SKAP1: variants seen among roughly 807,000 people sequenced by gnomAD.
The protein encoded by SKAP1 is src kinase associated phosphoprotein 1, also known as src kinase-associated phosphoprotein 1.
SKAP1 carries 44 observed loss-of-function variants against 58.5 expected under a neutral mutation model. That is an observed-to-expected ratio of 0.75 (90% CI 0.59 to 0.97). The LOEUF (loss-of-function observed/expected upper bound fraction) is 0.97, where lower values mean the gene tolerates loss of function less well. Among genes scored for constraint, SKAP1 ranks in the 50% least tolerant of loss-of-function variants. The pLI is 0.00. For missense variants in SKAP1, 390 were observed against 435.2 expected (o/e 0.90, Z 0.92); for synonymous variants, 127 against 149.7 (o/e 0.85, Z 1.11).
At chr17:48,403,593 C>A (rs2067530622) in intron 1 of SKAP1, among the ~76,000 whole-genome samples, 1 of 151,888 alleles carries the variant, frequency 6.6e-6, no homozygotes, top group Non-Finnish European at 1.5e-5. Flanking sequence ...ACAACAAAAT[C>A]AAAATGGCCT....
chr17:48,381,135 C>T (rs1022304785), intron 2 of SKAP1, among the ~76,000 whole-genome samples: 1 of 152,196 alleles, frequency 6.6e-6, no homozygotes, highest in Non-Finnish European at 1.5e-5. Context: ...CCATTTTCTG[C>T]CTTCCAGTGG....
chr17:48,405,745 G>A (rs936695240), intron 1 of SKAP1, among the ~76,000 whole-genome samples: 11 of 151,366 alleles, frequency 7.3e-5, no homozygotes, highest in Admixed American at 2.0e-4. Flanking sequence ...TTATCCGTCC[G>A]TCTCGGTTTC....
intron 4 of SKAP1, among the ~76,000 whole-genome samples, chr17:48,291,828 C>A (rs1350367779): frequency 6.6e-6 from 1 of 152,082 alleles, no homozygotes; most frequent in African/African-American, 2.4e-5. Flanking sequence ...CCCATGATAT[C>A]CCTTTGTAAT....
chr17:48,184,723 C>T lies in SKAP1; in HGVS notation c.567G>A (p.Glu189=). Residue 189 remains glutamate, a splice_region_variant and synonymous_variant, in exon 7 of 13, where the codon GAG becomes GAA. Coordinates refer to ENST00000336915, the MANE Select transcript of SKAP1 (RefSeq NM_003726.4). The part of the protein sequence containing the change: ...ELTSQDRRSY[E]FTATSPAEAR... The stretch of plus-strand genomic sequence containing the variant: ...TCACCATCTCCTTGATGCGTCCTAC[C>T]TCATAGCTGCGCCTATCCTGGGAGG... The T allele has an allele frequency of 6.2e-7, 1 of 1,614,048 alleles. No individual in the cohort carries two copies. The highest frequency in any genetic ancestry group is 8.5e-7 in the Non-Finnish European group (1 of 1,179,964).
At chr17:48,356,816 G>T (rs752456047) in intron 3 of SKAP1, among the ~76,000 whole-genome samples, 38 of 151,974 alleles carry the variant, frequency 2.5e-4, no homozygotes, top group Non-Finnish European at 3.5e-4. Context: ...CCTCAACAGT[G>T]ATTACCACTG....
At chr17:48,225,690 C>T (rs964903106) in intron 4 of SKAP1, among the ~76,000 whole-genome samples, 5 of 152,128 alleles carry the variant, frequency 3.3e-5, no homozygotes, top group African/African-American at 1.2e-4. Flanking sequence ...CCTGCCTGTT[C>T]TAACTATGAT....
At chr17:48,394,943 G>GA (rs2067396885) in intron 2 of SKAP1, among the ~76,000 whole-genome samples, 1 of 152,152 alleles carries the variant, frequency 6.6e-6, no homozygotes, top group Non-Finnish European at 1.5e-5. Flanking sequence ...TGATAATTAT[G>GA]AAATTCTAAA....
chr17:48,291,375 A>T (rs1003605571), intron 4 of SKAP1, among the ~76,000 whole-genome samples: 1 of 152,202 alleles, frequency 6.6e-6, no homozygotes, highest in African/African-American at 2.4e-5. Context: ...TAACCCACAC[A>T]AATCCAGACA....
intron 10 of SKAP1, among the ~76,000 whole-genome samples, chr17:48,166,562 G>A (rs999738392): frequency 6.6e-6 from 1 of 152,228 alleles, no homozygotes; most frequent in Middle Eastern, 3.2e-3. Flanking sequence ...ACTGGGTAGC[G>A]ACAGAATTCA....
intron 4 of SKAP1, among the ~76,000 whole-genome samples, chr17:48,273,708 C>T (rs1017186172): frequency 6.6e-6 from 1 of 152,138 alleles, no homozygotes; most frequent in African/African-American, 2.4e-5. Context: ...GCTAAGCCAC[C>T]GTGCCCGGCT....
Position 48,289,416 on chromosome 17 carries a change from TTAAC to T in SKAP1, c.280+56485_280+56488del, listed in dbSNP as rs546746500. On this transcript the variant is annotated intron_variant, in intron 4 of 12. Coordinates refer to ENST00000336915, the MANE Select transcript of SKAP1 (RefSeq NM_003726.4). ...CTGATCAAATTTTGCACTGTACTGT[TTAAC>T]TACAATAAATAGAAATAGGTAAAAT... Among the ~76,000 whole-genome samples, 18 of 152,252 alleles carry T rather than the reference TTAAC, an allele frequency of 1.2e-4. No homozygotes were observed. The East Asian group carries it at 2.7e-3, about 23-fold the overall frequency.
chr17:48,168,613 C>T (rs944886183), intron 10 of SKAP1, among the ~76,000 whole-genome samples: 16 of 152,280 alleles, frequency 1.1e-4, no homozygotes, highest in Middle Eastern at 3.4e-3. Flanking sequence ...GCGGAGATAG[C>T]GCCATTGCAC....
chr17:48,288,736 G>A (rs1213628492), intron 4 of SKAP1, among the ~76,000 whole-genome samples: 2 of 152,110 alleles, frequency 1.3e-5, no homozygotes, highest in Non-Finnish European at 2.9e-5. Flanking sequence ...ACTGGAGGCA[G>A]ACTGCTAGGA....
intron 5 of SKAP1, 72 bp downstream of exon 5, chr17:48,189,351 G>A: frequency 8.1e-7 from 1 of 1,230,794 alleles, no homozygotes. Flanking sequence ...GGCATCCAAT[G>A]TGTTAGCCTT....
intron 4 of SKAP1, among the ~76,000 whole-genome samples, chr17:48,260,014 T>A (rs1325865440): frequency 6.6e-6 from 1 of 152,114 alleles, no homozygotes; most frequent in African/African-American, 2.4e-5. Flanking sequence ...ACCTTCCAGA[T>A]CACCATTAAG....
At chr17:48,432,772 C>G (rs186339494), upstream of SKAP1, among the ~76,000 whole-genome samples, 1 of 152,332 alleles carries the variant, frequency 6.6e-6, no homozygotes, top group Non-Finnish European at 1.5e-5. Context: ...TAACCTCCCC[C>G]TCTTCTTCAA....
chr17:48,173,180 T>C (rs2064239462), intron 9 of SKAP1, among the ~76,000 whole-genome samples: 1 of 113,916 alleles, frequency 8.8e-6, no homozygotes, highest in African/African-American at 2.8e-5. Context: ...AGCGAGACCT[T>C]GTCTCTAAAA....
chr17:48,430,037 C>T (rs760893823), intron 1 of SKAP1, 38 bp downstream of exon 1: 5 of 1,260,324 alleles, frequency 4.0e-6, no homozygotes, highest in Non-Finnish European at 5.0e-6. Flanking sequence ...TTTCGGCCTT[C>T]GGCTCAGCAC....
intron 4 of SKAP1, among the ~76,000 whole-genome samples, chr17:48,200,954 A>T (rs2064720201): frequency 6.6e-6 from 1 of 152,230 alleles, no homozygotes; most frequent in African/African-American, 2.4e-5. Context: ...CTAGCCTAAT[A>T]GGACTTGTGA....
Sources: gnomAD v4.1 joint callset for allele counts (sites outside exome capture counted in the v4.1 genomes callset) on GRCh38, gnomAD v4.1.1 for gene constraint, MANE v1.5 for transcripts, NCBI Gene and HGNC (gene_info 2026-07-23, HGNC 2026-07-21) for gene names.